The following NALCN variants were observed in gnomAD, a reference collection of about 807,000 sequenced individuals.
NALCN encodes sodium leak channel NALCN.
NALCN carries 111 observed loss-of-function variants against 225.3 expected under a neutral mutation model. That is an observed-to-expected ratio of 0.49 (90% CI 0.42 to 0.58). The LOEUF (loss-of-function observed/expected upper bound fraction) is 0.58. NALCN is among the 20% of genes least tolerant of loss of function. The pLI, the probability that NALCN is intolerant of heterozygous loss-of-function variation, is 0.00. For missense variants in NALCN, 1,378 were observed against 2,202.4 expected, an observed-to-expected ratio of 0.63 and a Z score of 7.49; for synonymous variants, 764 against 769.0, an observed-to-expected ratio of 0.99 and a Z score of 0.11.
At chr13:101,152,358 C>T (rs949588022) in intron 15 of NALCN, among the ~76,000 whole-genome samples, 4 of 152,158 alleles carry the variant, frequency 2.6e-5, no homozygotes, top group African/African-American at 9.7e-5. Flanking sequence ...AATTAAGTGG[C>T]TGTTTTGTGT....
chr13:101,095,485 C>CTTTTAGTTT (rs2034452515), intron 28 of NALCN, 89 bp downstream of exon 28: 2 of 1,032,172 alleles, frequency 1.9e-6, no homozygotes, highest in Non-Finnish European at 2.9e-6. Flanking sequence ...AGCAAAACTA[C>CTTTTAGTTT]TTTTAGTTAC....
chr13:101,247,836 T>G (rs2041946190), intron 11 of NALCN, among the ~76,000 whole-genome samples: 1 of 152,016 alleles, frequency 6.6e-6, no homozygotes, highest in South Asian at 2.1e-4. Flanking sequence ...CCAGTGTGTG[T>G]TGTTGTTCTC....
At chr13:101,126,409 T>G (rs1265657515) in intron 17 of NALCN, among the ~76,000 whole-genome samples, 2 of 152,210 alleles carry the variant, frequency 1.3e-5, no homozygotes, top group Non-Finnish European at 2.9e-5. Context: ...ACTTCCATTT[T>G]CTTGGTAGCA....
chr13:101,238,940 A>C (rs976660543), intron 11 of NALCN, among the ~76,000 whole-genome samples: 1 of 151,976 alleles, frequency 6.6e-6, no homozygotes, highest in Non-Finnish European at 1.5e-5. Context: ...TGTGAAGAGG[A>C]AATTAGCATC....
chr13:101,142,910 T>C, intron 17 of NALCN, 170 bp downstream of exon 17: 1 of 927,846 alleles, frequency 1.1e-6, no homozygotes, highest in Non-Finnish European at 1.6e-6. Context: ...AAAATTTCAA[T>C]GCATAGAGTA....
Position 101,131,990 on chromosome 13 carries a change from C to T in NALCN, c.2119-7309G>A, listed in dbSNP as rs76032883. Among the ~76,000 whole-genome samples the T allele has an allele frequency of 3.2e-3, 488 of 152,026 alleles. 2 individuals are homozygous for T. The highest frequency in any genetic ancestry group is 0.011 in the African/African-American group (462 of 41,490). On this transcript the variant is annotated intron_variant, in intron 17 of 43. Transcript: ENST00000251127. ...GTTGATATTATTTATCACCTCTTTCCCCCCATTTGATTAATAACTGCTTTT... is the reference window on the plus strand; with the variant it reads ...GTTGATATTATTTATCACCTCTTTCTCCCCATTTGATTAATAACTGCTTTT...
intron 38 of NALCN, among the ~76,000 whole-genome samples, chr13:101,068,241 G>A (rs2032581938): frequency 6.6e-6 from 1 of 152,108 alleles, no homozygotes; most frequent in Non-Finnish European, 1.5e-5. Flanking sequence ...AAACATGAGG[G>A]TCGTAAGCAC....
Position 101,107,449 on chromosome 13 carries a change from CT to C in NALCN, c.2579+37del, listed in dbSNP as rs2035185266. 4 of 1,613,086 alleles carry C rather than the reference CT, an allele frequency of 2.5e-6. No individual in the cohort carries two copies. In the African/African-American group the frequency reaches 4.0e-5, roughly 16 times the overall value. On this transcript the variant is annotated intron_variant, in intron 22 of 43. Coordinates refer to ENST00000251127, the MANE Select transcript of NALCN (RefSeq NM_052867.4). ...GACAACACCCCTGCTGTTTGCATGG[CT>C]CAGGCCAAACACCTGGCTGAAATGA...
chr13:101,082,541 C>T (rs2033710923), intron 33 of NALCN, among the ~76,000 whole-genome samples: 1 of 152,172 alleles, frequency 6.6e-6, no homozygotes, highest in Non-Finnish European at 1.5e-5. Context: ...TGCACCATTC[C>T]CTCTAAATAT....
intron 2 of NALCN, among the ~76,000 whole-genome samples, chr13:101,397,113 T>TATAC (rs2047328677): frequency 2.7e-5 from 3 of 112,952 alleles, no homozygotes; most frequent in Non-Finnish European, 3.7e-5. Context: ...TATATATACA[T>TATAC]ACACATACAT....
At chr13:101,346,253 A>AT (rs996174860) in intron 6 of NALCN, among the ~76,000 whole-genome samples, 27 of 151,944 alleles carry the variant, frequency 1.8e-4, no homozygotes, top group Non-Finnish European at 3.2e-4. Flanking sequence ...TCTTTATAAG[A>AT]ATACTATCAC....
intron 10 of NALCN, among the ~76,000 whole-genome samples, chr13:101,272,863 A>G (rs547944156): frequency 5.8e-4 from 88 of 152,276 alleles, no homozygotes; most frequent in African/African-American, 1.9e-3. Flanking sequence ...CTAGGATGTC[A>G]CTTTGTCACT....
At chr13:101,352,903 A>C (rs1426818962) in intron 6 of NALCN, among the ~76,000 whole-genome samples, 1 of 152,210 alleles carries the variant, frequency 6.6e-6, no homozygotes, top group Non-Finnish European at 1.5e-5. Flanking sequence ...GTTGTAAAAG[A>C]CATTTGCAGA....
chr13:101,335,091 CA>C (rs2045334742), intron 7 of NALCN, among the ~76,000 whole-genome samples: 1 of 152,074 alleles, frequency 6.6e-6, no homozygotes, highest in Admixed American at 6.6e-5. Flanking sequence ...TGAAATAAAT[CA>C]TCACTTTATG....
intron 22 of NALCN, among the ~76,000 whole-genome samples, 189 bp downstream of exon 22, chr13:101,107,298 T>C (rs1237277876): frequency 6.6e-6 from 1 of 152,246 alleles, no homozygotes; most frequent in Non-Finnish European, 1.5e-5. Flanking sequence ...TTTCTATAAA[T>C]GTTAACTACT....
At chr13:101,193,412 C>T (rs139188782) in intron 13 of NALCN, among the ~76,000 whole-genome samples, 7 of 152,092 alleles carry the variant, frequency 4.6e-5, no homozygotes, top group Admixed American at 3.9e-4. Flanking sequence ...GTTCAAGGCC[C>T]AGAACACAGT....
intron 11 of NALCN, among the ~76,000 whole-genome samples, chr13:101,250,291 C>A (rs1473107807): frequency 6.6e-6 from 1 of 151,858 alleles, no homozygotes; most frequent in African/African-American, 2.4e-5. Context: ...TAATGTAGAG[C>A]AAGAATAGCA....
intron 28 of NALCN, among the ~76,000 whole-genome samples, chr13:101,092,041 G>A (rs1151375): frequency 0.71 from 108,402 of 151,772 alleles, 39,331 homozygotes; most frequent in African/African-American, 0.81. Flanking sequence ...CTGTAACTAC[G>A]GAGTCCTTCA....
At chr13:101,078,270 G>T (rs2033391709) in intron 34 of NALCN, among the ~76,000 whole-genome samples, 1 of 152,182 alleles carries the variant, frequency 6.6e-6, no homozygotes, top group Admixed American at 6.5e-5. Flanking sequence ...ACTGCCTAGT[G>T]GAGCTGTGAG....
Sources: gnomAD v4.1 joint callset for allele counts (sites outside exome capture counted in the v4.1 genomes callset) on GRCh38, gnomAD v4.1.1 for gene constraint, MANE v1.5 for transcripts, NCBI Gene and HGNC (gene_info 2026-07-23, HGNC 2026-07-21) for gene names.